RPS6KA5: variants seen among roughly 807,000 people sequenced by gnomAD.
RPS6KA5 encodes the protein ribosomal protein S6 kinase A5, also known as ribosomal protein S6 kinase alpha-5.
Under a neutral mutation model 85.5 loss-of-function variants are expected in RPS6KA5, and 27 were observed. The ratio of observed to expected loss-of-function variants is 0.32; its 90% CI spans 0.23 to 0.44. RPS6KA5 has a LOEUF of 0.44. RPS6KA5 is among the 20% of genes least tolerant of loss of function. The pLI is 1.00. For synonymous variants in RPS6KA5, 334 were observed against 348.2 expected (o/e 0.96, Z 0.46); for missense variants, 811 against 980.9 (o/e 0.83, Z 2.31).
rs372452750 is a variant in RPS6KA5 at position 90,920,277 on chromosome 14, C to T, written c.735G>A (p.Met245Ile). Residue 245 changes from methionine to isoleucine, a missense_variant, in exon 7 of 17, where the codon ATG (methionine) becomes ATA (isoleucine). Physicochemically the swap from Met to Ile is conservative, Grantham distance 10. This residue lies in a region of RPS6KA5 where 650 missense variants were observed against 793.4 expected (regional missense o/e 0.82). Transcript: ENST00000614987. The part of the protein sequence containing the change: ...AVDWWSLGVL[M>I]YELLTGASPF... ...GAGATGCTCCAGTTAGTAATTCATA[C>T]ATTAGAACACCCAAACTCCACCAGT... is the stretch of plus-strand genomic sequence containing the variant. 1.9e-5 allele frequency: 31 copies of T among 1,612,036 alleles called. No homozygotes were observed. Among genetic ancestry groups the T allele is most frequent in the Non-Finnish European group, 2.5e-5 (30 of 1,178,756 alleles).
At chr14:91,038,519 A>G (rs796635731) in intron 1 of RPS6KA5, among the ~76,000 whole-genome samples, 3 of 152,358 alleles carry the variant, frequency 2.0e-5, no homozygotes, top group African/African-American at 7.2e-5. Context: ...TTCCAAACTC[A>G]ATGATTCAGA....
At chr14:90,958,432 A>C (rs2038635858) in intron 3 of RPS6KA5, among the ~76,000 whole-genome samples, 2 of 152,166 alleles carry the variant, frequency 1.3e-5, no homozygotes, top group Non-Finnish European at 1.5e-5. Flanking sequence ...TCTGGACTAC[A>C]TTTTGATCTC....
intron 1 of RPS6KA5, among the ~76,000 whole-genome samples, chr14:91,020,641 T>C (rs1189533754): frequency 6.6e-6 from 1 of 151,330 alleles, no homozygotes; most frequent in African/African-American, 2.4e-5. Context: ...TGTGTGTGTG[T>C]GTGTGTGTGT....
rs746678191 is a variant in RPS6KA5 at position 90,849,516 on chromosome 14, G to A, written c.*22558C>T. 10 of 152,146 alleles carry A rather than the reference G, an allele frequency of 6.6e-5. No homozygotes were observed. The highest frequency in any genetic ancestry group is 1.2e-4 in the African/African-American group (5 of 41,412). The allele number at this position is 152,146 out of a possible 1,614,324, so 9.4% of individuals were successfully genotyped here. On this transcript the variant is annotated 3_prime_UTR_variant, in exon 17 of 17. Transcript: ENST00000614987. ...ACTTGGTGGCTACATACGGCTAATC[G>A]CTGCTAGTGTTTAGAGTCTGTGGCT...
At chr14:91,054,036 A>T (rs1158684417) in intron 1 of RPS6KA5, among the ~76,000 whole-genome samples, 1 of 152,236 alleles carries the variant, frequency 6.6e-6, no homozygotes, top group Non-Finnish European at 1.5e-5. Context: ...AAATAAACCC[A>T]TACATCTATA....
chr14:90,996,102 T>C (rs796637643), intron 2 of RPS6KA5, among the ~76,000 whole-genome samples: 20 of 151,984 alleles, frequency 1.3e-4, no homozygotes, highest in African/African-American at 4.8e-4. Flanking sequence ...GCCTCAACCT[T>C]CCAGACTCAA....
intron 1 of RPS6KA5, 83 bp downstream of exon 1, chr14:91,060,249 G>A (rs1203649267): frequency 1.6e-5 from 16 of 977,354 alleles, no homozygotes; most frequent in South Asian, 9.2e-5. Context: ...GCGGCCCCGC[G>A]CCCCCAGCCC....
chr14:90,929,666 A>G (rs949629401), intron 5 of RPS6KA5, among the ~76,000 whole-genome samples: 1 of 152,216 alleles, frequency 6.6e-6, no homozygotes, highest in Non-Finnish European at 1.5e-5. Context: ...GGAAGGGTCA[A>G]TATTCAAAAA....
chr14:90,879,538 G>A (rs1005341902), intron 14 of RPS6KA5, among the ~76,000 whole-genome samples: 10 of 152,118 alleles, frequency 6.6e-5, no homozygotes, highest in Non-Finnish European at 1.0e-4. Flanking sequence ...TTTTATGGGT[G>A]CACGACCCAC....
At chr14:90,897,544 T>C (rs2034909160) in intron 12 of RPS6KA5, among the ~76,000 whole-genome samples, 1 of 152,244 alleles carries the variant, frequency 6.6e-6, no homozygotes, top group South Asian at 2.1e-4. Flanking sequence ...TCTAGGCAAC[T>C]GTGCCACCAT....
chr14:90,902,001 T>A (rs1420178615), intron 9 of RPS6KA5, among the ~76,000 whole-genome samples: 1 of 143,034 alleles, frequency 7.0e-6, no homozygotes, highest in African/African-American at 2.6e-5. Flanking sequence ...GGCAACAAAG[T>A]AAGACCCTGT....
chr14:90,935,133 T>C (rs2037190047), intron 5 of RPS6KA5, among the ~76,000 whole-genome samples: 1 of 152,150 alleles, frequency 6.6e-6, no homozygotes, highest in Non-Finnish European at 1.5e-5. Flanking sequence ...ACTAAAAAGC[T>C]GGTTTAGGGT....
intron 3 of RPS6KA5, among the ~76,000 whole-genome samples, chr14:90,951,187 A>G (rs1437001699): frequency 6.6e-6 from 1 of 150,610 alleles, no homozygotes; most frequent in East Asian, 2.0e-4. Flanking sequence ...TACTTTCAAT[A>G]TAAACTTGTA....
chr14:91,002,557 T>A (rs1284302010), intron 1 of RPS6KA5, among the ~76,000 whole-genome samples: 1 of 152,108 alleles, frequency 6.6e-6, no homozygotes, highest in Non-Finnish European at 1.5e-5. Context: ...AAAATAAAAC[T>A]CAACTAACAA....
intron 3 of RPS6KA5, among the ~76,000 whole-genome samples, chr14:90,949,164 CTTAT>C (rs956514917): frequency 6.6e-6 from 1 of 152,080 alleles, no homozygotes; most frequent in African/African-American, 2.4e-5. Flanking sequence ...TTTTTCCTAC[CTTAT>C]TTTACTTAAA....
intron 4 of RPS6KA5, among the ~76,000 whole-genome samples, chr14:90,945,596 G>A (rs1010080040): frequency 6.6e-6 from 1 of 152,152 alleles, no homozygotes; most frequent in Non-Finnish European, 1.5e-5. Context: ...GTAAGATTAA[G>A]AGAAGGTTAA....
chr14:90,908,436 C>T (rs550383733), intron 7 of RPS6KA5, among the ~76,000 whole-genome samples: 30 of 152,218 alleles, frequency 2.0e-4, no homozygotes, highest in African/African-American at 6.7e-4. Flanking sequence ...CAGCAGGAGA[C>T]CCTAGCAGGT....
chr14:90,936,197 A>G (rs970288217), intron 5 of RPS6KA5, among the ~76,000 whole-genome samples: 6 of 152,236 alleles, frequency 3.9e-5, no homozygotes, highest in African/African-American at 7.2e-5. Flanking sequence ...TTTTATTATC[A>G]TAAAATATTT....
intron 14 of RPS6KA5, 63 bp downstream of exon 14, chr14:90,890,424 A>C: frequency 1.5e-6 from 2 of 1,349,476 alleles, no homozygotes; most frequent in South Asian, 3.7e-5. Flanking sequence ...GTGAAGAGTG[A>C]GATAAGGAGA....
Sources: gnomAD v4.1 joint callset for allele counts (sites outside exome capture counted in the v4.1 genomes callset) on GRCh38, gnomAD v4.1.1 for gene constraint, gnomAD v4.1.1 regional missense constraint, MANE v1.5 for transcripts, NCBI Gene and HGNC (gene_info 2026-07-23, HGNC 2026-07-21) for gene names.